EXOC4: variants seen among roughly 807,000 people sequenced by gnomAD.
EXOC4 encodes the protein SEC8-like 1.
Under a neutral mutation model 107.2 loss-of-function variants are expected in EXOC4, and 71 were observed. That is an observed-to-expected ratio of 0.66 (90% CI 0.55 to 0.81). The LOEUF is 0.81. Among genes scored for constraint, EXOC4 ranks in the 30% least tolerant of loss-of-function variants. The pLI, the probability that EXOC4 is intolerant of heterozygous loss-of-function variation, is 0.00. For synonymous variants in EXOC4, 456 were observed against 441.2 expected, an observed-to-expected ratio of 1.03 and a Z score of -0.42; for missense variants, 1,108 against 1,189.6, an observed-to-expected ratio of 0.93 and a Z score of 1.01.
intron 11 of EXOC4, among the ~76,000 whole-genome samples, chr7:133,883,761 C>T (rs1419742515): frequency 1.3e-5 from 2 of 152,264 alleles, no homozygotes; most frequent in South Asian, 2.1e-4. Flanking sequence ...GATTACTCTG[C>T]GTTCAGGGTG....
At chr7:133,847,777 C>T (rs1047099357) in intron 11 of EXOC4, among the ~76,000 whole-genome samples, 4 of 151,482 alleles carry the variant, frequency 2.6e-5, no homozygotes, top group Non-Finnish European at 5.9e-5. Flanking sequence ...GGCATGATCT[C>T]GGCTCACTGC....
At chr7:133,441,986 C>A (rs546854721) in intron 7 of EXOC4, among the ~76,000 whole-genome samples, 2 of 152,186 alleles carry the variant, frequency 1.3e-5, no homozygotes, top group Non-Finnish European at 2.9e-5. Context: ...AGTGAACAAT[C>A]CTGGAAGACT....
At chr7:133,339,787 G>C (rs1795615699) in intron 5 of EXOC4, among the ~76,000 whole-genome samples, 1 of 152,128 alleles carries the variant, frequency 6.6e-6, no homozygotes, top group African/African-American at 2.4e-5. Context: ...AAAACAGGTT[G>C]AGTTCTTGAT....
intron 17 of EXOC4, among the ~76,000 whole-genome samples, chr7:134,060,403 T>TGA (rs1796028862): frequency 2.0e-5 from 3 of 152,346 alleles, no homozygotes; most frequent in African/African-American, 7.2e-5. Flanking sequence ...TGTGAAGGGC[T>TGA]ACAAACCATG....
intron 1 of EXOC4, among the ~76,000 whole-genome samples, chr7:133,273,380 T>C (rs1793919082): frequency 6.6e-6 from 1 of 152,242 alleles, no homozygotes; most frequent in Non-Finnish European, 1.5e-5. Flanking sequence ...TAGTCTGGTT[T>C]AGGGTCACCA....
intron 12 of EXOC4, among the ~76,000 whole-genome samples, chr7:133,899,039 G>A (rs1378321881): frequency 6.7e-6 from 1 of 150,226 alleles, no homozygotes; most frequent in Non-Finnish European, 1.5e-5. Flanking sequence ...TAAAATAATT[G>A]CATTTTAATA....
At chr7:133,891,678 A>G (rs1799207040) in intron 11 of EXOC4, among the ~76,000 whole-genome samples, 1 of 95,898 alleles carries the variant, frequency 1.0e-5, no homozygotes, top group Admixed American at 9.3e-5. Flanking sequence ...ATGTATTGAG[A>G]TAATCATGTG....
rs1803232384 is a variant in EXOC4 at position 133,654,235 on chromosome 7, G to A, written c.1514+24094G>A. 2.6e-5 allele frequency among the ~76,000 whole-genome samples: 4 copies of A among 152,170 alleles called. 1 individual carries two copies. The South Asian group carries it at 8.3e-4, about 31-fold the overall frequency. The stretch of plus-strand genomic sequence containing the variant: ...TAAATTCATTAGTATTCCGAGAACT[G>A]TGAGTGAAACTGTTTAGCCCTGAAA... On this transcript the variant is annotated intron_variant, in intron 10 of 17. Coordinates refer to ENST00000253861, the MANE Select transcript of EXOC4 (RefSeq NM_021807.4).
At chr7:133,362,100 G>T (rs189498056) in intron 6 of EXOC4, among the ~76,000 whole-genome samples, 2 of 152,010 alleles carry the variant, frequency 1.3e-5, no homozygotes, top group East Asian at 1.9e-4. Flanking sequence ...ATGTTTCTGG[G>T]CATGTAGACA....
At chr7:133,742,497 T>TA (rs1424959462) in intron 10 of EXOC4, among the ~76,000 whole-genome samples, 1 of 152,190 alleles carries the variant, frequency 6.6e-6, no homozygotes, top group Non-Finnish European at 1.5e-5. Flanking sequence ...ATTCTCAACA[T>TA]GTAAGATGTT....
At chr7:133,581,070 G>C (rs1801256615) in intron 9 of EXOC4, among the ~76,000 whole-genome samples, 1 of 152,148 alleles carries the variant, frequency 6.6e-6, no homozygotes, top group Non-Finnish European at 1.5e-5. Flanking sequence ...TTGCTTTAGG[G>C]TACACACTGG....
chr7:134,005,152 T>C (rs766321973), intron 16 of EXOC4, 62 bp downstream of exon 16: 4 of 1,512,902 alleles, frequency 2.6e-6, no homozygotes, highest in Non-Finnish European at 3.6e-6. Context: ...TTTTCCTGAT[T>C]TTCTGTATTA....
chr7:133,300,862 A>G (rs1439134249), intron 3 of EXOC4, among the ~76,000 whole-genome samples: 2 of 150,868 alleles, frequency 1.3e-5, no homozygotes, highest in Non-Finnish European at 2.9e-5. Context: ...CTTATGGTTC[A>G]AGTTAATAAT....
intron 10 of EXOC4, among the ~76,000 whole-genome samples, chr7:133,769,118 C>T (rs1318816438): frequency 2.0e-5 from 3 of 151,952 alleles, no homozygotes; most frequent in African/African-American, 7.2e-5. Flanking sequence ...GTGAGAATTG[C>T]ACGTGCAAAT....
At chr7:133,692,209 C>T (rs1346935710) in intron 10 of EXOC4, among the ~76,000 whole-genome samples, 1 of 152,146 alleles carries the variant, frequency 6.6e-6, no homozygotes, top group Non-Finnish European at 1.5e-5. Context: ...AAAAGTAATC[C>T]TCAAGAGAGT....
At chr7:133,853,341 C>A (rs77658907) in intron 11 of EXOC4, among the ~76,000 whole-genome samples, 5 of 133,916 alleles carry the variant, frequency 3.7e-5, no homozygotes, top group African/African-American at 1.1e-4. Flanking sequence ...CTCTCTCTCT[C>A]TTTAACACAC....
At chr7:133,907,788 C>G (rs1425251809) in intron 12 of EXOC4, among the ~76,000 whole-genome samples, 1 of 147,922 alleles carries the variant, frequency 6.8e-6, no homozygotes, top group Non-Finnish European at 1.5e-5. Context: ...GCAGTGAGGA[C>G]TCGGTCTGGA....
chr7:133,693,133 A>G (rs1794456981), intron 10 of EXOC4, among the ~76,000 whole-genome samples: 1 of 152,194 alleles, frequency 6.6e-6, no homozygotes, highest in Non-Finnish European at 1.5e-5. Context: ...GCTGTCTGCA[A>G]GCTGAGGAGC....
At chr7:133,300,527 C>T (rs976147281) in intron 3 of EXOC4, among the ~76,000 whole-genome samples, 1 of 152,134 alleles carries the variant, frequency 6.6e-6, no homozygotes, top group African/African-American at 2.4e-5. Context: ...TACATGAAGT[C>T]CGGTCTACTG....
Sources: gnomAD v4.1 joint callset for allele counts (sites outside exome capture counted in the v4.1 genomes callset) on GRCh38, gnomAD v4.1.1 for gene constraint, MANE v1.5 for transcripts, NCBI Gene and HGNC (gene_info 2026-07-23, HGNC 2026-07-21) for gene names.